The following STXBP5L variants were observed in gnomAD, a reference collection of about 807,000 sequenced individuals.
The protein encoded by STXBP5L is syntaxin binding protein 5L.
A neutral mutation model predicts 144.5 loss-of-function variants in STXBP5L; 65 were observed. The observed-to-expected ratio is 0.45, with a 90% CI of 0.37 to 0.55. STXBP5L has a LOEUF of 0.55. Ranked by LOEUF, STXBP5L falls within the 20% of genes least tolerant of loss-of-function variation. STXBP5L has a pLI of 0.00. For synonymous variants in STXBP5L, 505 were observed against 469.6 expected (o/e 1.08, Z -0.97); for missense variants, 1,298 against 1,405.5 (o/e 0.92, Z 1.22).
intron 5 of STXBP5L, among the ~76,000 whole-genome samples, chr3:121,081,590 G>A (rs1275612390): frequency 6.6e-6 from 1 of 152,140 alleles, no homozygotes; most frequent in East Asian, 1.9e-4. Flanking sequence ...ATCTCTTGAA[G>A]CTTATCTTGT....
chr3:121,385,465 A>T (rs538288870), intron 22 of STXBP5L, among the ~76,000 whole-genome samples: 1 of 152,326 alleles, frequency 6.6e-6, no homozygotes, highest in South Asian at 2.1e-4. Flanking sequence ...CTCATGATCT[A>T]ATACGTCCCA....
At chr3:121,180,396 T>C (rs2047094500) in intron 9 of STXBP5L, among the ~76,000 whole-genome samples, 1 of 152,192 alleles carries the variant, frequency 6.6e-6, no homozygotes, top group Non-Finnish European at 1.5e-5. Context: ...TAAGAGAATT[T>C]GCCACTACTA....
intron 3 of STXBP5L, among the ~76,000 whole-genome samples, chr3:121,027,325 A>C (rs1329170239): frequency 6.6e-6 from 1 of 151,992 alleles, no homozygotes; most frequent in Non-Finnish European, 1.5e-5. Flanking sequence ...GGAAAAAGTC[A>C]CCCCCGTGGG....
intron 2 of STXBP5L, among the ~76,000 whole-genome samples, chr3:120,933,130 G>A (rs1168819370): frequency 6.6e-6 from 1 of 151,734 alleles, no homozygotes; most frequent in Non-Finnish European, 1.5e-5. Context: ...ACACCAACAT[G>A]GCACATGTAT....
intron 3 of STXBP5L, among the ~76,000 whole-genome samples, chr3:121,003,048 T>C (rs1943926415): frequency 1.3e-5 from 2 of 152,230 alleles, no homozygotes; most frequent in Non-Finnish European, 2.9e-5. Context: ...CAGCATGTTT[T>C]ATAATCCTTT....
chr3:121,133,637 C>G (rs771846581), intron 7 of STXBP5L, among the ~76,000 whole-genome samples: 1 of 152,140 alleles, frequency 6.6e-6, no homozygotes, highest in African/African-American at 2.4e-5. Flanking sequence ...CTAAAGAGTT[C>G]TTTAAGTTGA....
chr3:121,013,764 G>GCT (rs1206587286), intron 3 of STXBP5L, among the ~76,000 whole-genome samples: 3 of 151,830 alleles, frequency 2.0e-5, no homozygotes, highest in Non-Finnish European at 4.4e-5. Context: ...CTAAGATTGT[G>GCT]TAGTTTGAGA....
chr3:121,053,807 C>CA (rs1290816433), intron 5 of STXBP5L, among the ~76,000 whole-genome samples: 3 of 151,884 alleles, frequency 2.0e-5, no homozygotes, highest in Non-Finnish European at 4.4e-5. Flanking sequence ...AGGCAACCTA[C>CA]AAAATGGGAG....
intron 7 of STXBP5L, among the ~76,000 whole-genome samples, chr3:121,142,150 C>A (rs1019117019): frequency 5.9e-5 from 9 of 151,530 alleles, no homozygotes; most frequent in East Asian, 1.9e-4. Context: ...GACTTTAAGT[C>A]AAAAATTATC....
At chr3:121,320,349 C>T (rs982174457) in intron 20 of STXBP5L, among the ~76,000 whole-genome samples, 5 of 151,854 alleles carry the variant, frequency 3.3e-5, no homozygotes, top group African/African-American at 1.2e-4. Context: ...ATTGAGCTTG[C>T]ATCCAGGAAA....
intron 20 of STXBP5L, among the ~76,000 whole-genome samples, chr3:121,325,143 A>G (rs907825701): frequency 2.0e-5 from 3 of 151,250 alleles, no homozygotes; most frequent in Admixed American, 6.6e-5. Context: ...TGTTAAAAAG[A>G]AAAAAAACAC....
At chr3:121,072,226 G>T (rs2107664841) in intron 5 of STXBP5L, among the ~76,000 whole-genome samples, 1 of 152,302 alleles carries the variant, frequency 6.6e-6, no homozygotes, top group East Asian at 1.9e-4. Context: ...CCCTGAGAAA[G>T]TGCAGACAAA....
chr3:121,190,984 C>A (rs566788820), intron 9 of STXBP5L, among the ~76,000 whole-genome samples: 1 of 151,824 alleles, frequency 6.6e-6, no homozygotes, highest in Non-Finnish European at 1.5e-5. Flanking sequence ...AGACGATGGG[C>A]GGCTGGGCAG....
In STXBP5L at chr3:121,239,100, A is replaced by T; in HGVS notation, c.1314A>T (p.Lys438Asn). Residue 438 changes from lysine to asparagine, a missense_variant, in exon 13 of 27, where the codon AAA becomes AAT. Lys to Asn is a moderately conservative substitution (Grantham distance 94). Transcript: ENST00000471454. Reference protein sequence around the residue: ...VLYSIGVKHKKQGYSNKEWPI... With the variant: ...VLYSIGVKHKNQGYSNKEWPI... Reference sequence around the variant, plus strand: ...ATTCTATAGGAGTCAAGCATAAAAAACAAGGATACAGTAATAAGGTAAAAG... The same window carrying T: ...ATTCTATAGGAGTCAAGCATAAAAATCAAGGATACAGTAATAAGGTAAAAG... 6.3e-7 allele frequency: 1 copy of T among 1,576,106 alleles called. No individual in the cohort carries two copies. Among genetic ancestry groups the T allele is most frequent in the Admixed American group, 1.8e-5 (1 of 55,070 alleles).
At chr3:121,222,303 C>A (rs942889532) in intron 10 of STXBP5L, among the ~76,000 whole-genome samples, 1 of 152,008 alleles carries the variant, frequency 6.6e-6, no homozygotes, top group African/African-American at 2.4e-5. Context: ...TAACCCCACT[C>A]TATTATCTAA....
At chr3:121,272,242 T>C (rs1264601334) in intron 18 of STXBP5L, among the ~76,000 whole-genome samples, 2 of 152,228 alleles carry the variant, frequency 1.3e-5, no homozygotes, top group Non-Finnish European at 2.9e-5. Flanking sequence ...CCTACTTTTA[T>C]TGAATTGCCA....
chr3:120,942,996 G>A (rs1040910076), intron 2 of STXBP5L, among the ~76,000 whole-genome samples: 6 of 151,542 alleles, frequency 4.0e-5, no homozygotes, highest in Non-Finnish European at 8.9e-5. Flanking sequence ...TTAATTTGTT[G>A]ATTAATGAAT....
intron 4 of STXBP5L, among the ~76,000 whole-genome samples, chr3:121,045,008 C>A (rs746656326): frequency 1.3e-5 from 2 of 152,016 alleles, no homozygotes; most frequent in Non-Finnish European, 2.9e-5. Context: ...AAAATTCTTG[C>A]AAAGGAGAAT....
At chr3:120,921,261 A>G (rs1709346862) in intron 2 of STXBP5L, among the ~76,000 whole-genome samples, 1 of 151,940 alleles carries the variant, frequency 6.6e-6, no homozygotes, top group Non-Finnish European at 1.5e-5. Flanking sequence ...CCTGTTGGCC[A>G]TTTGTATGTC....
Sources: allele counts gnomAD v4.1 joint callset (sites outside exome capture counted in the v4.1 genomes callset), GRCh38; gene constraint gnomAD v4.1.1; transcripts MANE v1.5; gene names NCBI Gene and HGNC (gene_info 2026-07-23, HGNC 2026-07-21).